Variants in FAM107B observed in about 807,000 individuals in gnomAD.
FAM107B encodes protein FAM107B.
A neutral mutation model predicts 31.5 loss-of-function variants in FAM107B; 21 were observed. The ratio of observed to expected loss-of-function variants is 0.67; its 90% CI spans 0.47 to 0.96. The LOEUF is 0.96. Ranked by LOEUF, FAM107B falls within the 40% of genes least tolerant of loss-of-function variation. The probability of loss-of-function intolerance (pLI) is 0.00; values close to 1 mark genes in which losing one functional copy is unlikely to be tolerated. For synonymous variants in FAM107B, 157 were observed against 141.5 expected, an observed-to-expected ratio of 1.11 and a Z score of -0.78; for missense variants, 452 against 377.1, an observed-to-expected ratio of 1.20 and a Z score of -1.64.
At chr10:14,752,508 G>C (rs1358995220) in intron 1 of FAM107B, among the ~76,000 whole-genome samples, 1 of 152,214 alleles carries the variant, frequency 6.6e-6, no homozygotes, top group Non-Finnish European at 1.5e-5. Context: ...AATAAGAAGA[G>C]TTTTAGTATA....
chr10:14,654,623 C>T (rs762412478), intron 2 of FAM107B, among the ~76,000 whole-genome samples: 1 of 152,118 alleles, frequency 6.6e-6, no homozygotes, highest in Non-Finnish European at 1.5e-5. Flanking sequence ...CAGAAACAAA[C>T]AGCATTTAAT....
intron 2 of FAM107B, among the ~76,000 whole-genome samples, chr10:14,643,537 G>A (rs1853681062): frequency 6.6e-6 from 1 of 151,762 alleles, no homozygotes; most frequent in Non-Finnish European, 1.5e-5. Context: ...AGCCTCCAGA[G>A]CAGATGGGAC....
chr10:14,746,527 G>C (rs1832729753), intron 1 of FAM107B, among the ~76,000 whole-genome samples: 1 of 152,152 alleles, frequency 6.6e-6, no homozygotes, highest in African/African-American at 2.4e-5. Context: ...TGTCTGAAAA[G>C]GATTTTATTT....
chr10:14,741,882 A>G (rs758129446), intron 1 of FAM107B, among the ~76,000 whole-genome samples: 1 of 151,114 alleles, frequency 6.6e-6, no homozygotes, highest in Non-Finnish European at 1.5e-5. Context: ...ATTTTTTTGT[A>G]TTTTTAGTAG....
intron 1 of FAM107B, among the ~76,000 whole-genome samples, chr10:14,734,162 C>T (rs531630512): frequency 1.3e-4 from 20 of 152,252 alleles, no homozygotes; most frequent in African/African-American, 1.9e-4. Context: ...TACAATGTTA[C>T]GATAACAAGG....
At chr10:14,580,696 A>G (rs1851607683) in intron 2 of FAM107B, among the ~76,000 whole-genome samples, 1 of 152,108 alleles carries the variant, frequency 6.6e-6, no homozygotes, top group African/African-American at 2.4e-5. Context: ...GTTTTATTAA[A>G]AAAAAAAAAC....
chr10:14,774,485 G>A lies in FAM107B; in HGVS notation c.179C>T (p.Ala60Val). The A allele has an allele frequency of 5.0e-6, 8 of 1,614,212 alleles. No homozygotes were observed. The highest frequency in any genetic ancestry group is 6.8e-6 in the Non-Finnish European group (8 of 1,180,042). Residue 60 changes from alanine to valine, a missense_variant, in exon 1 of 5, where the codon GCA becomes GTA. Physicochemically the swap from Ala to Val is moderately conservative, Grantham distance 64. Coordinates refer to ENST00000181796, the MANE Select transcript of FAM107B (RefSeq NM_031453.4). The part of the protein sequence containing the change: ...STVRVQPVAK[A>V]GRQPRHPSAE... ...GCTTGGGTGTCTTGGCTGTCTGCCT[G>A]CTTTGGCCACAGGCTGCACACGGAC... is the stretch of plus-strand genomic sequence containing the variant.
intron 1 of FAM107B, among the ~76,000 whole-genome samples, chr10:14,684,505 C>G (rs369195533): frequency 6.6e-6 from 1 of 152,070 alleles, no homozygotes; most frequent in Non-Finnish European, 1.5e-5. Flanking sequence ...ATTCATGAAG[C>G]GTCCAGCCTC....
At chr10:14,625,257 TGC>T (rs1240433133) in intron 2 of FAM107B, among the ~76,000 whole-genome samples, 2 of 97,228 alleles carry the variant, frequency 2.1e-5, no homozygotes, top group Admixed American at 9.2e-5. Flanking sequence ...GTCGTGTGCG[TGC>T]GTGTGTGTGT....
At chr10:14,757,937 G>A (rs1832961629) in intron 1 of FAM107B, among the ~76,000 whole-genome samples, 1 of 151,998 alleles carries the variant, frequency 6.6e-6, no homozygotes, top group African/African-American at 2.4e-5. Context: ...GACAAGTCAC[G>A]GAGCTTGAAG....
At chr10:14,762,725 C>G (rs1020477491) in intron 1 of FAM107B, among the ~76,000 whole-genome samples, 3 of 148,446 alleles carry the variant, frequency 2.0e-5, no homozygotes, top group African/African-American at 7.5e-5. Flanking sequence ...CACTGCACTA[C>G]AGCCTGGGAG....
chr10:14,603,718 A>C (rs1852480813), intron 2 of FAM107B, among the ~76,000 whole-genome samples: 1 of 152,146 alleles, frequency 6.6e-6, no homozygotes, highest in African/African-American at 2.4e-5. Flanking sequence ...AAGAGGCAAA[A>C]GAGGAAAAGT....
intron 2 of FAM107B, among the ~76,000 whole-genome samples, chr10:14,626,499 C>CTTTTTTTT (rs71505032): frequency 1.8e-5 from 2 of 109,040 alleles, no homozygotes; most frequent in Non-Finnish European, 1.8e-5. Context: ...TGAGGCGGAT[C>CTTTTTTTT]TTTTTTTTCT....
chr10:14,563,106 G>A (rs985873934), intron 2 of FAM107B, among the ~76,000 whole-genome samples: 3 of 152,178 alleles, frequency 2.0e-5, no homozygotes, highest in African/African-American at 4.8e-5. Context: ...ACGATAGTCT[G>A]TTAAACAAAT....
At chr10:14,643,169 G>A (rs1853671248) in intron 2 of FAM107B, among the ~76,000 whole-genome samples, 1 of 152,018 alleles carries the variant, frequency 6.6e-6, no homozygotes, top group African/African-American at 2.4e-5. Context: ...ATGTGATTAT[G>A]GAGGATGAGA....
intron 2 of FAM107B, among the ~76,000 whole-genome samples, chr10:14,657,793 C>A (rs1389623696): frequency 6.6e-6 from 1 of 151,892 alleles, no homozygotes. Flanking sequence ...CAGCAACAAG[C>A]ATGTTGCCAC....
chr10:14,738,107 G>C (rs1856352373), intron 1 of FAM107B, among the ~76,000 whole-genome samples: 1 of 152,170 alleles, frequency 6.6e-6, no homozygotes, highest in South Asian at 2.1e-4. Context: ...AGCAGCCAGG[G>C]AGGAAGATTT....
chr10:14,614,176 T>C (rs940732515), intron 2 of FAM107B, among the ~76,000 whole-genome samples: 1 of 152,086 alleles, frequency 6.6e-6, no homozygotes, highest in Non-Finnish European at 1.5e-5. Context: ...TCTTTCCCCC[T>C]AAACAGTCGT....
chr10:14,733,261 C>T (rs1412376497), intron 1 of FAM107B, among the ~76,000 whole-genome samples: 1 of 152,006 alleles, frequency 6.6e-6, no homozygotes, highest in Non-Finnish European at 1.5e-5. Context: ...ACCTCACCTG[C>T]GTTTTCAAAA....
Sources: allele counts gnomAD v4.1 joint callset (sites outside exome capture counted in the v4.1 genomes callset), GRCh38; gene constraint gnomAD v4.1.1; transcripts MANE v1.5; gene names NCBI Gene and HGNC (gene_info 2026-07-23, HGNC 2026-07-21).